Variants in COL14A1 observed in about 807,000 individuals in gnomAD.
The protein encoded by COL14A1 is collagen alpha-1(XIV) chain.
Under a neutral mutation model 230.3 loss-of-function variants are expected in COL14A1, and 136 were observed. The observed-to-expected ratio is 0.59, with a 90% confidence interval of 0.51 to 0.68. The LOEUF (loss-of-function observed/expected upper bound fraction) is 0.68, where lower values mean the gene tolerates loss of function less well. COL14A1 is among the 30% of genes least tolerant of loss of function. The pLI is 0.00. For synonymous variants in COL14A1, 792 were observed against 784.1 expected (o/e 1.01, Z -0.17); for missense variants, 1,976 against 2,215.8 (o/e 0.89, Z 2.17).
At chr8:120,218,112 GTA>G (rs1002559845) in intron 14 of COL14A1, among the ~76,000 whole-genome samples, 38 of 129,924 alleles carry the variant, frequency 2.9e-4, no homozygotes, top group African/African-American at 1.1e-3. Context: ...AAATATATAA[GTA>G]TATATCTATA....
intron 5 of COL14A1, among the ~76,000 whole-genome samples, chr8:120,178,960 G>C (rs1586741934): frequency 6.6e-6 from 1 of 151,132 alleles, no homozygotes; most frequent in East Asian, 1.9e-4. Flanking sequence ...TGTAGATTCT[G>C]GACATTAGCC....
chr8:120,369,513 G>A, intron 47 of COL14A1, 28 bp downstream of exon 47: 1 of 1,516,682 alleles, frequency 6.6e-7, no homozygotes, highest in Non-Finnish European at 8.9e-7. Flanking sequence ...CCCCGCTTGT[G>A]GGCTTTGATC....
At chr8:120,151,235 A>C (rs938890033) in intron 2 of COL14A1, among the ~76,000 whole-genome samples, 5 of 152,306 alleles carry the variant, frequency 3.3e-5, no homozygotes, top group African/African-American at 7.2e-5. Flanking sequence ...GCAAGGAATA[A>C]AAAATATGAA....
chr8:120,133,003 G>A (rs1814585532), intron 1 of COL14A1, among the ~76,000 whole-genome samples: 1 of 152,120 alleles, frequency 6.6e-6, no homozygotes, highest in African/African-American at 2.4e-5. Flanking sequence ...GGATCACGAG[G>A]TCAGGAGATC....
chr8:120,371,050 C>T, intron 47 of COL14A1, 102 bp from the exon 48 acceptor site: 1 of 1,115,216 alleles, frequency 9.0e-7, no homozygotes, highest in South Asian at 1.5e-5. Context: ...TGCTTTTTAC[C>T]CAGCAGGATA....
intron 1 of COL14A1, among the ~76,000 whole-genome samples, chr8:120,140,670 C>T (rs542135321): frequency 2.0e-5 from 3 of 152,070 alleles, no homozygotes; most frequent in South Asian, 2.1e-4. Flanking sequence ...GTGTGGTTTA[C>T]GAAAACGTTA....
At chr8:120,184,613 C>A (rs1234855895) in intron 5 of COL14A1, among the ~76,000 whole-genome samples, 2 of 152,134 alleles carry the variant, frequency 1.3e-5, no homozygotes, top group African/African-American at 2.4e-5. Context: ...ATCCCAAAAT[C>A]AGCAGTCATC....
intron 13 of COL14A1, chr8:120,214,086 G>T (rs1400198934): frequency 2.1e-5 from 5 of 233,634 alleles, no homozygotes; most frequent in African/African-American, 1.2e-4. Context: ...TTGTCTTCAA[G>T]TTTTTTGCTT....
chr8:120,321,598 G>T (rs557509407), intron 40 of COL14A1, among the ~76,000 whole-genome samples: 1 of 150,516 alleles, frequency 6.6e-6, no homozygotes, highest in Non-Finnish European at 1.5e-5. Flanking sequence ...AGCCGAGATC[G>T]CACCACTGCA....
chr8:120,370,215 T>A, intron 47 of COL14A1: 1 of 1,003,804 alleles, frequency 1.0e-6, no homozygotes. Flanking sequence ...TAAAATTTTC[T>A]GCTTCAGTAG....
chr8:120,343,783 G>A (rs1822400372), intron 44 of COL14A1, among the ~76,000 whole-genome samples: 1 of 152,120 alleles, frequency 6.6e-6, no homozygotes, highest in African/African-American at 2.4e-5. Context: ...TAATCATTTT[G>A]TACTGACATA....
At chr8:120,370,923 G>A in intron 47 of COL14A1, 1 of 1,175,518 alleles carries the variant, frequency 8.5e-7, no homozygotes, top group Non-Finnish European at 1.1e-6. Context: ...TTAAATGGTT[G>A]GTTATGATTC....
chr8:120,346,887 T>C (rs1224013668), intron 45 of COL14A1, among the ~76,000 whole-genome samples: 1 of 152,198 alleles, frequency 6.6e-6, no homozygotes, highest in African/African-American at 2.4e-5. Context: ...TACTAGATAG[T>C]TGTTGCTTTA....
At chr8:120,346,371 G>A (rs1169850441) in intron 45 of COL14A1, among the ~76,000 whole-genome samples, 1 of 152,170 alleles carries the variant, frequency 6.6e-6, no homozygotes, top group Non-Finnish European at 1.5e-5. Flanking sequence ...CGTGAAGAAA[G>A]TGATGGGAAA....
chr8:120,242,348 T>G (rs892844975), intron 19 of COL14A1, among the ~76,000 whole-genome samples: 2 of 152,206 alleles, frequency 1.3e-5, no homozygotes, highest in Admixed American at 1.3e-4. Context: ...AGCTAATGAG[T>G]CTTCTAAAAC....
chr8:120,361,706 C>T (rs1203545767), intron 45 of COL14A1, among the ~76,000 whole-genome samples: 7 of 152,154 alleles, frequency 4.6e-5, no homozygotes, highest in African/African-American at 1.2e-4. Context: ...TGCATAGCTT[C>T]GTGGGCATAA....
intron 8 of COL14A1, among the ~76,000 whole-genome samples, chr8:120,201,649 T>G (rs1465328320): frequency 6.6e-6 from 1 of 152,126 alleles, no homozygotes; most frequent in East Asian, 1.9e-4. Flanking sequence ...AATTTAACAG[T>G]ACATCTTTTA....
chr8:120,317,914 T>A (rs1391967734), intron 40 of COL14A1, among the ~76,000 whole-genome samples: 1 of 152,208 alleles, frequency 6.6e-6, no homozygotes, highest in Non-Finnish European at 1.5e-5. Context: ...GTCTGATTCT[T>A]AATTTGAAAA....
At chr8:120,147,988 T>A in intron 2 of COL14A1, 58 bp downstream of exon 2, 1 of 1,205,046 alleles carries the variant, frequency 8.3e-7, no homozygotes, top group South Asian at 1.3e-5. Context: ...TTGTTTCTGA[T>A]TATCATTTTA....
Sources: allele counts gnomAD v4.1 joint callset (sites outside exome capture counted in the v4.1 genomes callset), GRCh38; gene constraint gnomAD v4.1.1; transcripts MANE v1.5; gene names NCBI Gene and HGNC (gene_info 2026-07-23, HGNC 2026-07-21).